LRRC9: variants seen among roughly 807,000 people sequenced by gnomAD.
The protein encoded by LRRC9 is leucine rich repeat containing 9, also known as leucine-rich repeat-containing protein 9.
LRRC9 carries 122 observed loss-of-function variants against 63.2 expected under a neutral mutation model. The ratio of observed to expected loss-of-function variants is 1.93; its 90% CI spans 1.67 to 2.24. LRRC9 has a LOEUF of 2.24. Ranked by LOEUF, LRRC9 falls within the 30% of genes most tolerant of loss-of-function variation. LRRC9 has a pLI of 0.00. For missense variants in LRRC9, 1,071 were observed against 627.7 expected (o/e 1.71, Z -7.55); for synonymous variants, 366 against 213.1 (o/e 1.72, Z -6.25).
intron 17 of LRRC9, among the ~76,000 whole-genome samples, chr14:59,995,582 A>G (rs1331230653): frequency 6.6e-6 from 1 of 152,224 alleles, no homozygotes; most frequent in East Asian, 1.9e-4. Context: ...AACTGAATCA[A>G]AAGAAATATT....
intron 27 of LRRC9, among the ~76,000 whole-genome samples, chr14:60,026,435 T>C (rs1214740490): frequency 2.0e-5 from 3 of 152,064 alleles, no homozygotes. Context: ...ACCTTTTTCC[T>C]GTTGAGTTGT....
intron 17 of LRRC9, among the ~76,000 whole-genome samples, chr14:59,987,248 A>G (rs1887567896): frequency 6.6e-6 from 1 of 151,478 alleles, no homozygotes; most frequent in African/African-American, 2.4e-5. Flanking sequence ...TCTGTCAACC[A>G]AATGTACATC....
chr14:60,030,990 A>C (rs1891945839), intron 28 of LRRC9, among the ~76,000 whole-genome samples: 1 of 152,082 alleles, frequency 6.6e-6, no homozygotes, highest in Admixed American at 6.6e-5. Flanking sequence ...TGTGAAAAAC[A>C]GACATTTTGA....
chr14:59,931,599 T>C lies in LRRC9; in HGVS notation c.409-20T>C, dbSNP rs1889706636. On this transcript the variant is annotated intron_variant, in intron 4 of 31. Coordinates refer to ENST00000445360, the Ensembl canonical transcript of LRRC9. ...AATTTTAATTATCTGTTCTAAATAA[T>C]ATGTTGTCTAAATTTTTAGGGTTTG... The C allele has an allele frequency of 2.9e-6, 2 of 689,632 alleles. No homozygotes were observed. Among genetic ancestry groups the C allele is most frequent in the Admixed American group, 2.1e-5 (1 of 47,042 alleles). 42.7% of individuals were successfully genotyped at this position (689,632 alleles called of 1,614,324 possible). A position where few individuals can be genotyped will look rare whatever the true frequency, so the allele number is the denominator to read the frequency against.
rs566084445 is a variant in LRRC9 at position 60,025,382 on chromosome 14, G to A, written c.3704-2502G>A. 8.3e-4 allele frequency among the ~76,000 whole-genome samples: 126 copies of A among 151,904 alleles called. 1 individual carries two copies. Among genetic ancestry groups the A allele is most frequent in the African/African-American group, 2.9e-3 (120 of 41,454 alleles). On this transcript the variant is annotated intron_variant, in intron 27 of 31. Transcript: ENST00000445360. ...CTCCCAAAATGGTGGGATTACAGGC[G>A]TGAGCCACCACTCCCTGCCCAGATA...
At chr14:59,975,137 ATACATATATATATGTATATATATATATG>A (rs1886086542) in intron 13 of LRRC9, among the ~76,000 whole-genome samples, 3 of 11,560 alleles carry the variant, frequency 2.6e-4, no homozygotes, top group African/African-American at 4.6e-4. Context: ...GTATATATAT[ATACATATATATATGTATATATATATATG>A]TATATATATA....
chr14:60,032,303 G>A (rs1341313668), intron 29 of LRRC9, among the ~76,000 whole-genome samples: 1 of 151,932 alleles, frequency 6.6e-6, no homozygotes, highest in Non-Finnish European at 1.5e-5. Context: ...TTCTATCCCT[G>A]TGCCAATATT....
intron 15 of LRRC9, 119 bp downstream of exon 15, chr14:59,978,251 G>A (rs73306005): frequency 2.6e-4 from 133 of 513,514 alleles, no homozygotes; most frequent in African/African-American, 2.5e-3. Context: ...GTGTATAATT[G>A]TTATTTTGTG....
chr14:60,066,458 C>T (rs569896752), downstream of LRRC9, among the ~76,000 whole-genome samples: 69 of 152,124 alleles, frequency 4.5e-4, no homozygotes, highest in Middle Eastern at 6.8e-3. Context: ...CGGCCAAATT[C>T]CTTTGGTTAT....
Position 59,930,036 on chromosome 14 carries a change from T to C in LRRC9, c.268-882T>C, listed in dbSNP as rs1445775461. 6.6e-6 allele frequency among the ~76,000 whole-genome samples: 1 copy of C among 151,980 alleles called. No homozygotes were observed. The highest frequency in any genetic ancestry group is 1.5e-5 in the Non-Finnish European group (1 of 67,948). Reference sequence around the variant, plus strand: ...CCCCCATGACAGAAATTTACCTAAATAACAAACCTGCACATGCACCCCTGA... The same window carrying C: ...CCCCCATGACAGAAATTTACCTAAACAACAAACCTGCACATGCACCCCTGA... On this transcript the variant is annotated intron_variant, in intron 3 of 31. Coordinates refer to ENST00000445360, the Ensembl canonical transcript of LRRC9. The surrounding 1 kb of genome is among the most constrained non-coding windows in gnomAD (Gnocchi z 4.9).
chr14:59,961,568 G>A (rs1009013676), intron 10 of LRRC9, among the ~76,000 whole-genome samples: 6 of 152,072 alleles, frequency 3.9e-5, no homozygotes, highest in Non-Finnish European at 8.8e-5. Flanking sequence ...GCTACAGTCA[G>A]GGTGCACACG....
chr14:59,941,171 A>G (rs1366599287), intron 7 of LRRC9, among the ~76,000 whole-genome samples: 1 of 151,926 alleles, frequency 6.6e-6, no homozygotes, highest in Non-Finnish European at 1.5e-5. Context: ...TTGTTTCTAT[A>G]TGAAGATATA....
chr14:59,959,084 A>G (rs1482444592), intron 8 of LRRC9, among the ~76,000 whole-genome samples: 1 of 152,224 alleles, frequency 6.6e-6, no homozygotes, highest in Non-Finnish European at 1.5e-5. Flanking sequence ...AGTACAATTT[A>G]TCTTTAAATT....
At chr14:60,028,721 T>C (rs548992020) in intron 28 of LRRC9, among the ~76,000 whole-genome samples, 2 of 152,164 alleles carry the variant, frequency 1.3e-5, no homozygotes, top group African/African-American at 2.4e-5. Flanking sequence ...TGGTGGTCTG[T>C]TAGCTCTCCT....
Position 60,006,808 on chromosome 14 carries a change from T to A in LRRC9, c.3063+191T>A, listed in dbSNP as rs1889845383. 6 of 394,224 alleles carry A rather than the reference T, an allele frequency of 1.5e-5. No homozygotes were observed. In the South Asian group the frequency reaches 3.1e-4, roughly 21 times the overall value. 24.4% of individuals were successfully genotyped at this position (394,224 alleles called of 1,614,324 possible). On this transcript the variant is annotated intron_variant, in intron 22 of 31. Transcript: ENST00000445360. The stretch of plus-strand genomic sequence containing the variant: ...AAAATATATCTGTGTATACATAATG[T>A]CCCCATTTGCTATCCTTCTGGGGTA...
rs1459357134 is a variant in LRRC9 at position 59,986,065 on chromosome 14, A to G, written c.2211+841A>G. Among the ~76,000 whole-genome samples the G allele has an allele frequency of 6.6e-6, 1 of 151,886 alleles. No individual in the cohort carries two copies. Among genetic ancestry groups the G allele is most frequent in the Non-Finnish European group, 1.5e-5 (1 of 67,960 alleles). The stretch of plus-strand genomic sequence containing the variant: ...TTCCTCCCATCTGCTCATCCAGGTT[A>G]TTATTTCTTTCTTTCTGTCTTGTCC... On this transcript the variant is annotated intron_variant, in intron 17 of 31. Transcript: ENST00000445360. The surrounding 1 kb of genome is among the most constrained non-coding windows in gnomAD (Gnocchi z 4.7).
chr14:59,999,158 G>A (rs1485271166), exon 19 of LRRC9: 1 of 700,902 alleles, frequency 1.4e-6, no homozygotes, highest in Admixed American at 2.0e-5. Flanking sequence ...CCATTTAAAT[G>A]GAGTCTTCAT....
At chr14:60,043,834 G>T (rs1289799802) in intron 29 of LRRC9, among the ~76,000 whole-genome samples, 2 of 144,188 alleles carry the variant, frequency 1.4e-5, no homozygotes, top group Non-Finnish European at 3.0e-5. Context: ...AATGAGTTTG[G>T]AAGTATTCCT....
rs139103859 is a variant in LRRC9 at position 60,013,268 on chromosome 14, C to T, written c.3187-3392C>T. On this transcript the variant is annotated intron_variant, in intron 23 of 31. Coordinates refer to ENST00000445360, the Ensembl canonical transcript of LRRC9. ...AAGGAATATTTAATAATTGAGGGGACTGCCTAAACAAGTCTGACATCCATA... is the reference window on the plus strand; with the variant it reads ...AAGGAATATTTAATAATTGAGGGGATTGCCTAAACAAGTCTGACATCCATA... Among the ~76,000 whole-genome samples the T allele has an allele frequency of 1.5e-3, 235 of 152,138 alleles. 2 individuals are homozygous for T. The highest frequency in any genetic ancestry group is 5.3e-3 in the African/African-American group (218 of 41,498).
Sources: gnomAD v4.1 joint callset for allele counts (sites outside exome capture counted in the v4.1 genomes callset) on GRCh38, gnomAD v4.1.1 for gene constraint, Gnocchi (gnomAD v3.1) non-coding constraint, MANE v1.5 for transcripts, NCBI Gene and HGNC (gene_info 2026-07-23, HGNC 2026-07-21) for gene names.